The following PKIG variants were observed in gnomAD, a reference collection of about 807,000 sequenced individuals.
PKIG encodes the protein protein kinase (cAMP-dependent, catalytic) inhibitor gamma.
Under a neutral mutation model 6.8 loss-of-function variants are expected in PKIG, and 1 was observed. The observed-to-expected ratio is 0.15, with a 90% confidence interval of 0.05 to 0.69. The LOEUF (loss-of-function observed/expected upper bound fraction) is 0.69. Among genes scored for constraint, PKIG ranks in the 30% least tolerant of loss-of-function variants. PKIG has a pLI of 0.82. For missense variants in PKIG, 77 were observed against 104.0 expected, an observed-to-expected ratio of 0.74 and a Z score of 1.13; for synonymous variants, 39 against 43.0, an observed-to-expected ratio of 0.91 and a Z score of 0.36.
At chr20:44,539,820 C>T (rs1393736416) in intron 1 of PKIG, among the ~76,000 whole-genome samples, 1 of 152,104 alleles carries the variant, frequency 6.6e-6, no homozygotes, top group African/African-American at 2.4e-5. Flanking sequence ...ATGGATACCC[C>T]TGTTTAAAAT....
chr20:44,546,351 A>G (rs1202187397), intron 1 of PKIG, among the ~76,000 whole-genome samples: 1 of 152,112 alleles, frequency 6.6e-6, no homozygotes, highest in Non-Finnish European at 1.5e-5. Context: ...CTTTAACTGT[A>G]TTTTTTAAAA....
chr20:44,548,402 T>A (rs1479900028), intron 1 of PKIG, among the ~76,000 whole-genome samples: 3 of 152,220 alleles, frequency 2.0e-5, no homozygotes, highest in Non-Finnish European at 4.4e-5. Flanking sequence ...GAGTCATTTG[T>A]CAGCCTAGCA....
rs543416378 is a variant in PKIG at position 44,544,064 on chromosome 20, C to CA, written c.-241+12104dup. Among the ~76,000 whole-genome samples, 521 of 72,588 alleles carry CA rather than the reference C, an allele frequency of 7.2e-3. 2 individuals carry two copies. Among genetic ancestry groups the CA allele is most frequent in the South Asian group, 0.042 (108 of 2,594 alleles). 47.6% of individuals were successfully genotyped at this position (72,588 alleles called of 152,430 possible). On this transcript the variant is annotated intron_variant, in intron 1 of 4. Transcript: ENST00000372887. ...GGGCAACAAGAGCAAAACTCCGCCT[C>CA]AAAAAAAAAAAAAAAAAAGATTGTT...
intron 2 of PKIG, among the ~76,000 whole-genome samples, chr20:44,595,759 G>A (rs759895664): frequency 3.2e-4 from 48 of 152,118 alleles, no homozygotes; most frequent in Non-Finnish European, 6.2e-4. Context: ...TGATCCGCCA[G>A]CCTTGGCCTC....
intron 1 of PKIG, among the ~76,000 whole-genome samples, chr20:44,544,920 TCTTTC>T (rs2064597644): frequency 7.1e-6 from 1 of 140,474 alleles, no homozygotes; most frequent in African/African-American, 2.7e-5. Flanking sequence ...TTTCCTTCCT[TCTTTC>T]TTTTTTTTTT....
chr20:44,591,925 C>G lies in PKIG; in HGVS notation c.-24+2059C>G, dbSNP rs1023045615. On this transcript the variant is annotated intron_variant, in intron 2 of 3. Transcript: ENST00000372886. ...CCTGGGATGAGAGCAGTGAAGAAGC[C>G]CTAGCCTCAGGATCAGTCTCACAGC... Among the ~76,000 whole-genome samples the G allele has an allele frequency of 2.0e-5, 3 of 152,202 alleles. No homozygotes were observed. The South Asian group carries it at 6.2e-4, about 32-fold the overall frequency.
intron 1 of PKIG, among the ~76,000 whole-genome samples, chr20:44,571,000 G>A (rs530849519): frequency 3.9e-5 from 6 of 152,218 alleles, no homozygotes; most frequent in Middle Eastern, 3.4e-3. Flanking sequence ...TTGGGAGGCC[G>A]AGGCGAGTGG....
At chr20:44,549,962 C>G (rs1242140616) in intron 1 of PKIG, among the ~76,000 whole-genome samples, 1 of 151,988 alleles carries the variant, frequency 6.6e-6, no homozygotes, top group African/African-American at 2.4e-5. Flanking sequence ...TAAATGTACT[C>G]TTTGATCTTC....
chr20:44,617,834 C>G (rs1318025970), intron 3 of PKIG, among the ~76,000 whole-genome samples: 1 of 151,914 alleles, frequency 6.6e-6, no homozygotes, highest in African/African-American at 2.4e-5. Context: ...CACCTGAGGT[C>G]AGGAGTTTGA....
At chr20:44,585,146 G>T (rs1258270940) in intron 1 of PKIG, 1 of 152,366 alleles carries the variant, frequency 6.6e-6, no homozygotes, top group Non-Finnish European at 1.5e-5. Flanking sequence ...CCTAGACTTT[G>T]TGGTCCCTGC....
chr20:44,575,424 G>A lies in PKIG; in HGVS notation c.-240-7161G>A, dbSNP rs1384215500. ...AGTAGAGATGGGGTTTTGCCATGTT[G>A]GCCAGGCTGGTCTCAAACTCCTGTC... is the stretch of plus-strand genomic sequence containing the variant. On this transcript the variant is annotated intron_variant, in intron 1 of 4. Coordinates refer to the PKIG transcript ENST00000372887. 2.0e-5 allele frequency among the ~76,000 whole-genome samples: 3 copies of A among 152,084 alleles called. 1 individual carries two copies. The highest frequency in any genetic ancestry group is 4.4e-5 in the Non-Finnish European group (3 of 68,008).
intron 1 of PKIG, among the ~76,000 whole-genome samples, chr20:44,542,605 G>A (rs780239772): frequency 2.7e-5 from 4 of 149,858 alleles, no homozygotes; most frequent in Admixed American, 6.7e-5. Context: ...TATTTTTTTC[G>A]AGATGGAGTC....
At chr20:44,550,020 A>G (rs2064653538) in intron 1 of PKIG, among the ~76,000 whole-genome samples, 2 of 151,590 alleles carry the variant, frequency 1.3e-5, no homozygotes, top group Admixed American at 6.6e-5. Context: ...TTAACTTCTG[A>G]AGGACCTGGG....
chr20:44,611,448 TTCCA>T (rs1395469204), intron 2 of PKIG, among the ~76,000 whole-genome samples: 5 of 152,078 alleles, frequency 3.3e-5, no homozygotes, highest in Non-Finnish European at 7.4e-5. Context: ...TTGACCAGCT[TTCCA>T]TCCTTTCCTC....
chr20:44,607,672 A>G (rs1443572830), intron 2 of PKIG, among the ~76,000 whole-genome samples: 2 of 148,546 alleles, frequency 1.3e-5, no homozygotes, highest in Non-Finnish European at 3.0e-5. Context: ...AAAAAAGGCA[A>G]GATGGAAAAT....
At chr20:44,577,017 C>T (rs910122988) in intron 1 of PKIG, among the ~76,000 whole-genome samples, 1 of 152,144 alleles carries the variant, frequency 6.6e-6, no homozygotes, top group Non-Finnish European at 1.5e-5. Flanking sequence ...CAAAAAAATA[C>T]GTTGAGCAAT....
At chr20:44,544,124 A>G (rs2064588837) in intron 1 of PKIG, among the ~76,000 whole-genome samples, 1 of 151,856 alleles carries the variant, frequency 6.6e-6, no homozygotes, top group Admixed American at 6.6e-5. Flanking sequence ...AAGCCTCCAG[A>G]GAACTACCCT....
At chr20:44,569,441 G>A (rs1332942312) in intron 1 of PKIG, among the ~76,000 whole-genome samples, 1 of 152,034 alleles carries the variant, frequency 6.6e-6, no homozygotes, top group Admixed American at 6.5e-5. Flanking sequence ...GAAAGATATA[G>A]CGATGAAAGT....
At chr20:44,603,158 C>G (rs369795697) in intron 2 of PKIG, among the ~76,000 whole-genome samples, 1 of 152,132 alleles carries the variant, frequency 6.6e-6, no homozygotes, top group Admixed American at 6.5e-5. Flanking sequence ...TATATTCTTA[C>G]CACACAACAC....
Sources: allele counts gnomAD v4.1 joint callset (sites outside exome capture counted in the v4.1 genomes callset), GRCh38; gene constraint gnomAD v4.1.1; transcripts MANE v1.5; gene names NCBI Gene and HGNC (gene_info 2026-07-23, HGNC 2026-07-21).